MYT1L: variants seen among roughly 807,000 people sequenced by gnomAD.
MYT1L encodes the protein myelin transcription factor 1 like.
Under a neutral mutation model 126.7 loss-of-function variants are expected in MYT1L, and 12 were observed. The observed-to-expected ratio is 0.09, with a 90% CI of 0.06 to 0.15. MYT1L has a LOEUF of 0.15. Among genes scored for constraint, MYT1L ranks in the 10% least tolerant of loss-of-function variants. The pLI, the probability that MYT1L is intolerant of heterozygous loss-of-function variation, is 1.00. For synonymous variants in MYT1L, 541 were observed against 604.2 expected (o/e 0.90, Z 1.53); for missense variants, 979 against 1,585.2 (o/e 0.62, Z 6.49).
intron 4 of MYT1L, among the ~76,000 whole-genome samples, chr2:2,000,602 AC>A (rs2062271568): frequency 1.3e-5 from 2 of 151,966 alleles, no homozygotes; most frequent in African/African-American, 2.4e-5. Flanking sequence ...CCCTCCCAAT[AC>A]AGCCGACTCC....
intron 21 of MYT1L, among the ~76,000 whole-genome samples, chr2:1,833,761 T>C (rs186006879): frequency 1.8e-4 from 28 of 152,370 alleles, no homozygotes; most frequent in African/African-American, 6.3e-4. Context: ...TTGCCAACCC[T>C]AAAGATAAAA....
chr2:2,162,626 G>A (rs1400772485), intron 3 of MYT1L, among the ~76,000 whole-genome samples: 2 of 152,208 alleles, frequency 1.3e-5, no homozygotes, highest in Non-Finnish European at 2.9e-5. Context: ...GTGCTGCACG[G>A]TTTTCATGGC....
chr2:2,165,700 A>G (rs1218268839), intron 3 of MYT1L, among the ~76,000 whole-genome samples: 1 of 152,118 alleles, frequency 6.6e-6, no homozygotes, highest in Non-Finnish European at 1.5e-5. Context: ...TCACGTTGTC[A>G]TCTCATAGCT....
intron 14 of MYT1L, among the ~76,000 whole-genome samples, chr2:1,900,285 G>A (rs915234535): frequency 4.0e-5 from 6 of 151,722 alleles, no homozygotes; most frequent in Non-Finnish European, 8.8e-5. Flanking sequence ...TTGTCCTAGT[G>A]GGCACTTTCC....
rs566067007 is a variant in MYT1L, at chr2:2,073,052, G to A, written c.-303-18929C>T. Reference sequence around the variant, plus strand: ...AGAAGGAGGGAGGGAGCTCTCTGGGGCCTCTTTCATAAGGGCACTAATGAC... The same window carrying A: ...AGAAGGAGGGAGGGAGCTCTCTGGGACCTCTTTCATAAGGGCACTAATGAC... On this transcript the variant is annotated intron_variant, in intron 3 of 24. Transcript: ENST00000647738. 4.4e-4 allele frequency among the ~76,000 whole-genome samples: 67 copies of A among 152,234 alleles called. No homozygotes were observed. In the South Asian group the frequency reaches 0.01, roughly 23 times the overall value.
At chr2:2,026,216 C>A (rs2065546452) in intron 4 of MYT1L, among the ~76,000 whole-genome samples, 1 of 152,208 alleles carries the variant, frequency 6.6e-6, no homozygotes, top group African/African-American at 2.4e-5. Flanking sequence ...TCACCCTATG[C>A]CATATGACGT....
intron 2 of MYT1L, among the ~76,000 whole-genome samples, chr2:2,254,596 A>T (rs2094756215): frequency 6.6e-6 from 1 of 152,256 alleles, no homozygotes; most frequent in Non-Finnish European, 1.5e-5. Flanking sequence ...ACTGGCTGCC[A>T]CATAGATCAA....
At chr2:2,223,262 T>C in intron 2 of MYT1L, among the ~76,000 whole-genome samples, 1 of 152,334 alleles carries the variant, frequency 6.6e-6, no homozygotes, top group East Asian at 1.9e-4. Flanking sequence ...ATGAAAATAT[T>C]AGAATATAAA....
intron 8 of MYT1L, among the ~76,000 whole-genome samples, chr2:1,978,815 C>A (rs763619183): frequency 4.6e-5 from 7 of 152,030 alleles, no homozygotes; most frequent in Non-Finnish European, 1.0e-4. Context: ...CCTGCCACTC[C>A]CAGAATGAGG....
intron 8 of MYT1L, among the ~76,000 whole-genome samples, chr2:1,946,592 A>T (rs1249300582): frequency 2.6e-5 from 4 of 152,200 alleles, no homozygotes. Context: ...AGTCTCTATC[A>T]GCCCTGAAAC....
chr2:1,790,462 A>G lies in MYT1L; in HGVS notation c.*1405T>C, dbSNP rs1558558695. On this transcript the variant is annotated 3_prime_UTR_variant, in exon 25 of 25. Coordinates refer to ENST00000647738, the MANE Select transcript of MYT1L (RefSeq NM_001303052.2). Reference sequence around the variant, plus strand: ...TGGGAGTAAAACAATCAAATCTGGAAGGTATAAACAAGTCTAAGATGATCT... The same window carrying G: ...TGGGAGTAAAACAATCAAATCTGGAGGGTATAAACAAGTCTAAGATGATCT... 1 of 152,258 alleles carries G rather than the reference A, an allele frequency of 6.6e-6. No homozygotes were observed. The highest frequency in any genetic ancestry group is 1.5e-5 in the Non-Finnish European group (1 of 68,054). The allele number at this position is 152,258 out of a possible 1,614,324, so 9.4% of individuals were successfully genotyped here. A position where few individuals can be genotyped will look rare whatever the true frequency, so the allele number is the denominator to read the frequency against.
intron 3 of MYT1L, among the ~76,000 whole-genome samples, chr2:2,087,994 T>C (rs2076523488): frequency 6.6e-6 from 1 of 152,252 alleles, no homozygotes; most frequent in Non-Finnish European, 1.5e-5. Context: ...TTTCTCCCTC[T>C]GTAACACACG....
At chr2:1,926,310 T>C (rs1426752482) in intron 9 of MYT1L, among the ~76,000 whole-genome samples, 1 of 152,216 alleles carries the variant, frequency 6.6e-6, no homozygotes, top group Admixed American at 6.5e-5. Context: ...TCTGAATCCC[T>C]GCTGGGCATC....
chr2:2,104,771 G>T (rs2078540118), intron 3 of MYT1L, among the ~76,000 whole-genome samples: 1 of 152,168 alleles, frequency 6.6e-6, no homozygotes, highest in South Asian at 2.1e-4. Flanking sequence ...CAGGCACTGG[G>T]GGACTCTGAG....
intron 8 of MYT1L, among the ~76,000 whole-genome samples, chr2:1,970,177 CGGA>C (rs2149439922): frequency 6.6e-6 from 1 of 152,266 alleles, no homozygotes; most frequent in South Asian, 2.1e-4. Context: ...TTCCCAGAGC[CGGA>C]CTCAGGAGGG....
chr2:2,123,891 G>A (rs1030141059), intron 3 of MYT1L, among the ~76,000 whole-genome samples: 2 of 152,134 alleles, frequency 1.3e-5, no homozygotes, highest in African/African-American at 2.4e-5. Context: ...AGCATGTGGC[G>A]GGGCCCTGAG....
chr2:1,874,551 G>A (rs1427951883), intron 18 of MYT1L, among the ~76,000 whole-genome samples: 1 of 152,200 alleles, frequency 6.6e-6, no homozygotes, highest in Non-Finnish European at 1.5e-5. Context: ...TACCTAATGG[G>A]CAATGATGTG....
intron 3 of MYT1L, among the ~76,000 whole-genome samples, chr2:2,109,200 T>C (rs1388027853): frequency 1.3e-5 from 2 of 152,100 alleles, no homozygotes; most frequent in Non-Finnish European, 2.9e-5. Flanking sequence ...TACCTGTGAG[T>C]GTTTGCTGGG....
rs60682131 is a variant in MYT1L, at chr2:2,262,939, G to GATATATATATATATATATAAAT, written c.-421+21464_-421+21465insATTTATATATATATATATATAT. ...AAATATATATATATATATAACCTGT[G>GATATATATATATATATATAAAT]ATATATATATATATATCACAGGTAA... On this transcript the variant is annotated intron_variant, in intron 2 of 24. Coordinates refer to ENST00000647738, the MANE Select transcript of MYT1L (RefSeq NM_001303052.2). Among the ~76,000 whole-genome samples the GATATATATATATATATATAAAT allele has an allele frequency of 2.9e-3, 149 of 51,834 alleles. 4 individuals carry two copies. Among genetic ancestry groups the GATATATATATATATATATAAAT allele is most frequent in the African/African-American group, 0.01 (121 of 11,638 alleles). 34.0% of individuals were successfully genotyped at this position (51,834 alleles called of 152,430 possible).
Sources: allele counts gnomAD v4.1 joint callset (sites outside exome capture counted in the v4.1 genomes callset), GRCh38; gene constraint gnomAD v4.1.1; transcripts MANE v1.5; gene names NCBI Gene and HGNC (gene_info 2026-07-23, HGNC 2026-07-21).